Variants in GRIN2C observed in about 807,000 individuals in gnomAD.
GRIN2C encodes the protein glutamate ionotropic receptor NMDA type subunit 2C.
Under a neutral mutation model 77.7 loss-of-function variants are expected in GRIN2C, and 64 were observed. The observed-to-expected ratio is 0.82, with a 90% confidence interval of 0.67 to 1.01. The LOEUF (loss-of-function observed/expected upper bound fraction) is 1.01. Ranked by LOEUF, GRIN2C falls within the 50% of genes least tolerant of loss-of-function variation. The pLI is 0.00. For synonymous variants in GRIN2C, 792 were observed against 643.4 expected (o/e 1.23, Z -3.49); for missense variants, 1,549 against 1,486.0 (o/e 1.04, Z -0.70).
intron 12 of GRIN2C, 33 bp downstream of exon 12, chr17:74,844,243 C>T (rs1315542610): frequency 1.2e-6 from 2 of 1,610,948 alleles, no homozygotes; most frequent in African/African-American, 2.7e-5. Flanking sequence ...GCCCTTAAAA[C>T]TTTGGCCTGT....
At chr17:74,848,493 C>T (rs1043469685) in intron 7 of GRIN2C, among the ~76,000 whole-genome samples, 2 of 152,038 alleles carry the variant, frequency 1.3e-5, no homozygotes, top group Admixed American at 6.6e-5. Flanking sequence ...ACGGGCGGAT[C>T]GTTCGAGACC....
intron 1 of GRIN2C, among the ~76,000 whole-genome samples, chr17:74,856,861 T>A (rs1297984281): frequency 6.6e-6 from 1 of 152,104 alleles, no homozygotes; most frequent in African/African-American, 2.4e-5. Flanking sequence ...CTCTAAGGAA[T>A]CCAGAGAGCG....
chr17:74,854,491 C>T, intron 2 of GRIN2C: 1 of 561,634 alleles, frequency 1.8e-6, no homozygotes, highest in Non-Finnish European at 3.2e-6. Flanking sequence ...CATCCAGACA[C>T]AATGTGAGGT....
chr17:74,851,923 G>T (rs928312809), intron 3 of GRIN2C, 90 bp downstream of exon 3: 1 of 974,550 alleles, frequency 1.0e-6, no homozygotes. Flanking sequence ...GCTAGTGGGA[G>T]GTGTGGCTGG....
rs1424338087 is a variant in GRIN2C, at chr17:74,843,210, T to G, written c.2927A>C (p.Gln976Pro). The change falls in exon 13 of 13, where the codon CAG becomes CCG. Residue 976 changes from glutamine to proline, a missense_variant. By Grantham distance (76) the Gln-to-Pro change is moderately conservative. Transcript: ENST00000293190. ...GRAALVRRAP[Q>P]PPGRPPTPGP... ...CGGCGTCGGGGGGCGGCCCGGGGGCTGCGGAGCCCTGCGCACAAGCGCCGC... is the reference window on the plus strand; with the variant it reads ...CGGCGTCGGGGGGCGGCCCGGGGGCGGCGGAGCCCTGCGCACAAGCGCCGC... The G allele has an allele frequency of 2.2e-6, 1 of 455,760 alleles. No individual in the cohort carries two copies. The highest frequency in any genetic ancestry group is 2.1e-5 in the African/African-American group (1 of 47,796). 28.2% of individuals were successfully genotyped at this position (455,760 alleles called of 1,614,324 possible).
chr17:74,843,662 G>A (rs1482117017), intron 12 of GRIN2C, 109 bp from the exon 13 acceptor site: 54 of 1,391,916 alleles, frequency 3.9e-5, no homozygotes, highest in Non-Finnish European at 5.1e-5. Flanking sequence ...TAAGTCTCAG[G>A]AAGTAGCTAA....
chr17:74,855,645 A>AG (rs1435147491), intron 1 of GRIN2C, among the ~76,000 whole-genome samples: 1 of 152,340 alleles, frequency 6.6e-6, no homozygotes, highest in Admixed American at 6.5e-5. Context: ...CGCAGGTGAC[A>AG]GGCCCCCAGC....
At chr17:74,851,891 G>A (rs990022894) in intron 3 of GRIN2C, 122 bp downstream of exon 3, 10 of 759,138 alleles carry the variant, frequency 1.3e-5, no homozygotes, top group African/African-American at 3.5e-5. Context: ...GACAGGTGGG[G>A]TAATGTGGCC....
chr17:74,858,504 G>A (rs1207451473), intron 1 of GRIN2C, among the ~76,000 whole-genome samples: 1 of 151,940 alleles, frequency 6.6e-6, no homozygotes, highest in Non-Finnish European at 1.5e-5. Flanking sequence ...AGGAGCTTCC[G>A]AATTCTGTCT....
At chr17:74,856,866 A>C (rs1418236638) in intron 1 of GRIN2C, among the ~76,000 whole-genome samples, 1 of 152,146 alleles carries the variant, frequency 6.6e-6, no homozygotes, top group Non-Finnish European at 1.5e-5. Context: ...AGGAATCCAG[A>C]GAGCGGGGAA....
Position 74,859,649 on chromosome 17 carries a change from CTCCAAG to C in GRIN2C, c.-16+89_-16+94del, listed in dbSNP as rs1430527386. The C allele has an allele frequency of 6.6e-6, 1 of 152,246 alleles. No individual in the cohort carries two copies. The highest frequency in any genetic ancestry group is 2.4e-5 in the African/African-American group (1 of 41,422). 9.4% of individuals were successfully genotyped at this position (152,246 alleles called of 1,614,324 possible). ...TGCTGGGGGCACGGAGTTCTTGCTC[CTCCAAG>C]GCTACGGCCCCCGTCTCCGCGGACC... On this transcript the variant is annotated intron_variant, in intron 1 of 12. Coordinates refer to ENST00000293190, the MANE Select transcript of GRIN2C (RefSeq NM_000835.6). This position sits in a 1 kb window ranked among gnomAD's most constrained non-coding sequence, Gnocchi z 5.9.
chr17:74,852,528 G>T lies in GRIN2C; in HGVS notation c.483C>A (p.Asp161Glu), dbSNP rs1471977694. The T allele has an allele frequency of 6.4e-7, 1 of 1,567,738 alleles. No individual in the cohort carries two copies. The highest frequency in any genetic ancestry group is 1.2e-5 in the South Asian group (1 of 86,610). Reference protein sequence around the residue: ...QVLFKVLEEYDWSAFAVITSL... With the variant: ...QVLFKVLEEYEWSAFAVITSL... ...TGGTGATGACGGCGAAGGCGCTCCA[G>T]TCGTACTCTTCCAGCACCTTGAACA... The change falls in exon 3 of 13, where the codon GAC (aspartate) becomes GAA (glutamate). Residue 161 changes from aspartate to glutamate, a missense_variant. Around this residue, in one of 3 missense-constraint regions of GRIN2C, gnomAD observed 382 missense variants for 360.0 expected, o/e 1.06. Coordinates refer to ENST00000293190, the MANE Select transcript of GRIN2C (RefSeq NM_000835.6).
At chr17:74,855,547 AGCC>A (rs1451783197) in intron 1 of GRIN2C, among the ~76,000 whole-genome samples, 9 of 152,184 alleles carry the variant, frequency 5.9e-5, no homozygotes, top group Non-Finnish European at 1.2e-4. Context: ...AGCCTCTCTG[AGCC>A]ATGTTTTCTT....
At position 74,850,026 on chromosome 17, in the gene GRIN2C, C is replaced by G; in HGVS notation, c.1492-93G>C. ...CTCCAGACACCCCTTCTAGCACCCA[C>G]CAGCTGAGTCAATCATTCCCTCTGG... On this transcript the variant is annotated intron_variant, in intron 6 of 12. Transcript: ENST00000293190. This position sits in a 1 kb window ranked among gnomAD's most constrained non-coding sequence, Gnocchi z 5.3. 7.0e-7 allele frequency: 1 copy of G among 1,425,822 alleles called. No homozygotes were observed. Among genetic ancestry groups the G allele is most frequent in the Non-Finnish European group, 9.6e-7 (1 of 1,038,764 alleles). The allele number at this position is 1,425,822 out of a possible 1,614,324, so 88.3% of individuals were successfully genotyped here. A position where few individuals can be genotyped will look rare whatever the true frequency, so the allele number is the denominator to read the frequency against.
chr17:74,843,029 G>C lies in GRIN2C; in HGVS notation c.3108C>G (p.Asp1036Glu), dbSNP rs1354253078. ...GCGGGAGGAAGGGGCGGCCGGATCG[G>C]TCGGCTCGAGGAAAGGAGCTGTAGT... ...RCHYSSFPRA[D>E]RSGRPFLPLF... Residue 1036 changes from aspartate to glutamate, a missense_variant, in exon 13 of 13, where the codon GAC (aspartate) becomes GAG (glutamate). Transcript: ENST00000293190. 4.1e-6 allele frequency: 2 copies of C among 489,396 alleles called. No individual in the cohort carries two copies. The highest frequency in any genetic ancestry group is 3.6e-6 in the Non-Finnish European group (1 of 274,670). 30.3% of individuals were successfully genotyped at this position (489,396 alleles called of 1,614,324 possible). A position where few individuals can be genotyped will look rare whatever the true frequency, so the allele number is the denominator to read the frequency against.
rs115362494 is a variant in GRIN2C at position 74,845,871 on chromosome 17, G to A, written c.2350+195C>T. 0.022 allele frequency among the ~76,000 whole-genome samples: 3,382 copies of A among 150,340 alleles called. 124 individuals are homozygous for A. Among genetic ancestry groups the A allele is most frequent in the African/African-American group, 0.078 (3,165 of 40,720 alleles). On this transcript the variant is annotated intron_variant, in intron 11 of 12. Transcript: ENST00000293190. Reference sequence around the variant, plus strand: ...ACTCTCTAGCCCAGTTCCTGCTCCCGCCCTGCACACCTATCCCTTCCTCAA... The same window carrying A: ...ACTCTCTAGCCCAGTTCCTGCTCCCACCCTGCACACCTATCCCTTCCTCAA...
chr17:74,855,182 C>T, intron 1 of GRIN2C, 75 bp from the exon 2 acceptor site: 1 of 1,173,698 alleles, frequency 8.5e-7, no homozygotes. Context: ...ACAGGAGGGA[C>T]AGAGGGACAC....
rs1011726380 is a variant in GRIN2C at position 74,846,722 on chromosome 17, C to T, written c.2162+38G>A. 2 of 1,596,794 alleles carry T rather than the reference C, an allele frequency of 1.3e-6. No individual in the cohort carries two copies. The highest frequency in any genetic ancestry group is 1.7e-4 in the Middle Eastern group (1 of 6,020). ...GCTAAGGCTGGTCACTGGGGAGACACACGGATGAAGACAGCGGGTGCAGGG... is the reference window on the plus strand; with the variant it reads ...GCTAAGGCTGGTCACTGGGGAGACATACGGATGAAGACAGCGGGTGCAGGG... On this transcript the variant is annotated intron_variant, in intron 10 of 12. Coordinates refer to ENST00000293190, the MANE Select transcript of GRIN2C (RefSeq NM_000835.6). This position sits in a 1 kb window ranked among gnomAD's most constrained non-coding sequence, Gnocchi z 4.4.
upstream of GRIN2C, chr17:74,860,608 G>A: frequency 2.4e-6 from 1 of 418,752 alleles, no homozygotes; most frequent in Admixed American, 2.6e-5. Context: ...CCCAGAGACC[G>A]GCGCAGGCGG....
Sources: gnomAD v4.1 joint callset for allele counts (sites outside exome capture counted in the v4.1 genomes callset) on GRCh38, gnomAD v4.1.1 for gene constraint, gnomAD v4.1.1 regional missense constraint, Gnocchi (gnomAD v3.1) non-coding constraint, MANE v1.5 for transcripts, NCBI Gene and HGNC (gene_info 2026-07-23, HGNC 2026-07-21) for gene names.